The following TENM2 variants were observed in gnomAD, a reference collection of about 807,000 sequenced individuals.
The protein encoded by TENM2 is teneurin transmembrane protein 2.
TENM2 carries 52 observed loss-of-function variants against 245.2 expected under a neutral mutation model. The ratio of observed to expected loss-of-function variants is 0.21; its 90% CI spans 0.17 to 0.27. TENM2 has a LOEUF of 0.27. Among genes scored for constraint, TENM2 ranks in the 10% least tolerant of loss-of-function variants. TENM2 has a pLI of 1.00. For synonymous variants in TENM2, 1,363 were observed against 1,438.9 expected (o/e 0.95, Z 1.19); for missense variants, 3,046 against 3,666.8 (o/e 0.83, Z 4.37).
At chr5:167,277,054 A>G in the TENM2 span, among the ~76,000 whole-genome samples, 1 of 152,070 alleles carries the variant, frequency 6.6e-6, no homozygotes, top group African/African-American at 2.4e-5. Context: ...GATCTTTTCA[A>G]GGAAACAACT....
chr5:167,155,165 C>A, the TENM2 span, among the ~76,000 whole-genome samples: 4 of 152,152 alleles, frequency 2.6e-5, no homozygotes, highest in Non-Finnish European at 4.4e-5. Context: ...TGTCATAAGG[C>A]GCAGTGTAGA....
At chr5:168,048,693 C>G (rs1788826297) in intron 6 of TENM2, among the ~76,000 whole-genome samples, 1 of 152,176 alleles carries the variant, frequency 6.6e-6, no homozygotes, top group Non-Finnish European at 1.5e-5. Flanking sequence ...CATCTGCCCC[C>G]AGAGGTGCAC....
upstream of TENM2, among the ~76,000 whole-genome samples, chr5:167,280,929 A>C (rs946236695): frequency 6.6e-6 from 1 of 151,748 alleles, no homozygotes; most frequent in South Asian, 2.1e-4. Flanking sequence ...ACTTTTCATA[A>C]TCTTACATGT....
At chr5:167,032,104 G>C in the TENM2 span, among the ~76,000 whole-genome samples, 2 of 152,078 alleles carry the variant, frequency 1.3e-5, no homozygotes, top group Admixed American at 1.3e-4. Flanking sequence ...TTAATTTTAA[G>C]TGAATAAGTA....
intron 2 of TENM2, among the ~76,000 whole-genome samples, chr5:167,448,309 C>G (rs939096384): frequency 6.6e-6 from 1 of 151,890 alleles, no homozygotes; most frequent in African/African-American, 2.4e-5. Context: ...GTTTTCACCA[C>G]GAGCAATAAA....
intron 2 of TENM2, among the ~76,000 whole-genome samples, chr5:167,716,316 A>G (rs1216448426): frequency 1.3e-5 from 2 of 152,194 alleles, no homozygotes; most frequent in Non-Finnish European, 2.9e-5. Flanking sequence ...TGCCGACTTC[A>G]GCTTTCATCT....
intron 2 of TENM2, among the ~76,000 whole-genome samples, chr5:167,605,636 G>A (rs1043448090): frequency 2.6e-5 from 4 of 152,106 alleles, no homozygotes; most frequent in African/African-American, 4.8e-5. Flanking sequence ...GGCCAGTTTC[G>A]ACATCAAATC....
the TENM2 span, among the ~76,000 whole-genome samples, chr5:167,084,510 G>C: frequency 2.0e-5 from 3 of 151,100 alleles, no homozygotes; most frequent in Admixed American, 2.0e-4. Context: ...TGGAGACCAC[G>C]TGATATCGTG....
intron 2 of TENM2, among the ~76,000 whole-genome samples, chr5:167,647,398 G>A (rs1378485898): frequency 6.6e-6 from 1 of 152,116 alleles, no homozygotes; most frequent in Non-Finnish European, 1.5e-5. Context: ...TGAGGCAGGT[G>A]CATCACCTGA....
At chr5:167,284,353 T>G (rs998940956), upstream of TENM2, among the ~76,000 whole-genome samples, 1 of 152,188 alleles carries the variant, frequency 6.6e-6, no homozygotes, top group Non-Finnish European at 1.5e-5. Context: ...TATTTTTTCT[T>G]TTGGAGGGGG....
chr5:167,704,500 T>A (rs1252743016), intron 2 of TENM2, among the ~76,000 whole-genome samples: 2 of 152,058 alleles, frequency 1.3e-5, no homozygotes, highest in East Asian at 3.9e-4. Flanking sequence ...TAAAATAATG[T>A]TTCACCCTCC....
chr5:167,426,068 C>T (rs1203582019), intron 2 of TENM2, among the ~76,000 whole-genome samples: 1 of 152,124 alleles, frequency 6.6e-6, no homozygotes, highest in Non-Finnish European at 1.5e-5. Context: ...ATGAAATCGA[C>T]TTCAAAATAA....
At chr5:168,017,756 C>T (rs1785785609) in intron 5 of TENM2, among the ~76,000 whole-genome samples, 1 of 152,120 alleles carries the variant, frequency 6.6e-6, no homozygotes, top group Admixed American at 6.5e-5. Flanking sequence ...ATAATTATCC[C>T]AACTGTTTTT....
At chr5:167,305,737 G>A (rs1251578994) in intron 1 of TENM2, among the ~76,000 whole-genome samples, 1 of 152,194 alleles carries the variant, frequency 6.6e-6, no homozygotes, top group Non-Finnish European at 1.5e-5. Context: ...GGGATGAAAT[G>A]AACAGAAGGC....
chr5:167,620,273 TG>T (rs1206586113), intron 2 of TENM2, among the ~76,000 whole-genome samples: 1 of 151,986 alleles, frequency 6.6e-6, no homozygotes, highest in Admixed American at 6.6e-5. Context: ...GGGGAGCACT[TG>T]GAGGGGGAAA....
At chr5:167,693,817 T>G (rs1332632640) in intron 2 of TENM2, among the ~76,000 whole-genome samples, 1 of 152,162 alleles carries the variant, frequency 6.6e-6, no homozygotes, top group Non-Finnish European at 1.5e-5. Flanking sequence ...CTGCCTTGCC[T>G]AGCATGTTCA....
At chr5:167,829,964 T>C (rs11957524) in intron 2 of TENM2, among the ~76,000 whole-genome samples, 3,443 of 152,280 alleles carry the variant, frequency 0.023, 131 homozygotes, top group African/African-American at 0.079. Flanking sequence ...GGAGAGGCAA[T>C]CAAGATGGTC....
chr5:167,934,744 C>A, intron 3 of TENM2: 1 of 414,888 alleles, frequency 2.4e-6, no homozygotes, highest in Non-Finnish European at 3.2e-6. Context: ...CTCGAACCTT[C>A]CCGTCTTCCC....
rs1035934544 is a variant in TENM2, at chr5:167,514,936, G to A, written c.502+139463G>A. ...TGAGGCAGGAGAATCGCTTGAACCC[G>A]AGAGGCGGAGGTTGCGGTGAGCCGA... On this transcript the variant is annotated intron_variant, in intron 2 of 28. Coordinates refer to ENST00000518659, the Ensembl canonical transcript of TENM2. 5.9e-5 allele frequency among the ~76,000 whole-genome samples: 9 copies of A among 152,212 alleles called. No homozygotes were observed. The South Asian group carries it at 1.7e-3, about 28-fold the overall frequency.
Sources: allele counts gnomAD v4.1 joint callset (sites outside exome capture counted in the v4.1 genomes callset), GRCh38; gene constraint gnomAD v4.1.1; transcripts MANE v1.5; gene names NCBI Gene and HGNC (gene_info 2026-07-23, HGNC 2026-07-21).